Variants in CHCHD10 observed in about 807,000 individuals in gnomAD.
CHCHD10 encodes coiled-coil-helix-coiled-coil-helix domain containing 10, also known as coiled-coil-helix-coiled-coil-helix domain-containing protein 10, mitochondrial.
CHCHD10 carries 10 observed loss-of-function variants against 14.8 expected under a neutral mutation model. That is an observed-to-expected ratio of 0.67 (90% CI 0.42 to 1.14). The LOEUF is 1.14. Among genes scored for constraint, CHCHD10 ranks in the 50% most tolerant of loss-of-function variants. The pLI is 0.00. For missense variants in CHCHD10, 203 were observed against 196.9 expected, an observed-to-expected ratio of 1.03 and a Z score of -0.19; for synonymous variants, 90 against 85.2, an observed-to-expected ratio of 1.06 and a Z score of -0.31.
rs572704117 is a variant in CHCHD10, at chr22:23,767,251, G to A, written c.261+123C>T. 48 of 811,298 alleles carry A rather than the reference G, an allele frequency of 5.9e-5. No homozygotes were observed. The African/African-American group carries it at 6.9e-4, about 12-fold the overall frequency. 50.3% of individuals were successfully genotyped at this position (811,298 alleles called of 1,614,324 possible). On this transcript the variant is annotated intron_variant, in intron 2 of 3. Transcript: ENST00000484558. Reference sequence around the variant, plus strand: ...AGACCAGTGGACTAGGACCCTTCCCGGGCAGAGTCCTGGGCTGAAGCAATG... The same window carrying A: ...AGACCAGTGGACTAGGACCCTTCCCAGGCAGAGTCCTGGGCTGAAGCAATG...
Position 23,767,473 on chromosome 22 carries a change from C to T in CHCHD10, c.162G>A (p.Gly54=), listed in dbSNP as rs749635935. The T allele has an allele frequency of 2.5e-6, 4 of 1,588,410 alleles. No individual in the cohort carries two copies. Among genetic ancestry groups the T allele is most frequent in the Middle Eastern group, 2.2e-4 (1 of 4,534 alleles). The change falls in exon 2 of 4, where the codon GGG becomes GGA. Residue 54 remains glycine, a synonymous_variant. Coordinates refer to ENST00000484558, the MANE Select transcript of CHCHD10 (RefSeq NM_213720.3). ...LMAQMATTAA[G]VAVGSAVGHV... is the part of the protein sequence containing the mutation. ...GTCCCACAGCCGAGCCCACGGCTACCCCTGCGGCCGTGGTCGCCATCTGAG... is the reference window on the plus strand; with the variant it reads ...GTCCCACAGCCGAGCCCACGGCTACTCCTGCGGCCGTGGTCGCCATCTGAG...
rs367684804 is a variant in CHCHD10 at position 23,766,127 on chromosome 22, C to T, written c.409+1G>A. On this transcript the variant is annotated splice_donor_variant, in intron 3 of 3. Transcript: ENST00000484558. LOFTEE classifies it high-confidence loss of function. ...GCCTGAGTCGGGGTCCACTCACTCA[C>T]CATGGTAGTACTTGCACTGCTTCAG... 4.7e-5 allele frequency: 76 copies of T among 1,613,654 alleles called. No homozygotes were observed. The African/African-American group carries it at 9.6e-4, about 20-fold the overall frequency.
intron 2 of CHCHD10, 87 bp downstream of exon 2, chr22:23,767,287 G>T: frequency 2.7e-6 from 3 of 1,126,032 alleles, no homozygotes; most frequent in Non-Finnish European, 3.9e-6. Flanking sequence ...GTGAATACAC[G>T]CGGACACTCC....
rs775004786 is a variant in CHCHD10, at chr22:23,767,474, C to T, written c.161G>A (p.Gly54Glu). 6.3e-7 allele frequency: 1 copy of T among 1,587,198 alleles called. No homozygotes were observed. Among genetic ancestry groups the T allele is most frequent in the Non-Finnish European group, 8.6e-7 (1 of 1,168,448 alleles). The change falls in exon 2 of 4, where the codon GGG becomes GAG. Residue 54 changes from glycine to glutamate, a missense_variant. By Grantham distance (98) the Gly-to-Glu change is moderately conservative (BLOSUM62 -2). Coordinates refer to ENST00000484558, the MANE Select transcript of CHCHD10 (RefSeq NM_213720.3). ...LMAQMATTAA[G>E]VAVGSAVGHV... ...TCCCACAGCCGAGCCCACGGCTACC[C>T]CTGCGGCCGTGGTCGCCATCTGAGC...
chr22:23,767,767 G>A (rs1926978236), intron 1 of CHCHD10, 67 bp downstream of exon 1: 1 of 1,343,412 alleles, frequency 7.4e-7, no homozygotes, highest in African/African-American at 1.5e-5. Context: ...TCACTCTGCG[G>A]ACGCCCTTAG....
At chr22:23,766,333 G>A (rs779873318) in intron 2 of CHCHD10, 58 bp from the exon 3 acceptor site, 23 of 1,475,822 alleles carry the variant, frequency 1.6e-5, no homozygotes, top group African/African-American at 1.5e-4. Flanking sequence ...CTGGAGGTGC[G>A]TTTCAAACCT....
chr22:23,766,165 G>A lies in CHCHD10; in HGVS notation c.372C>T (p.Gly124=), dbSNP rs372902325. ...TGCACTGCTTCAGGGCCTCGCTGAA[G>A]CCCTCACACAGGGACAGGTCACTCT... ...TTQSDLSLCE[G]FSEALKQCKY... The change falls in exon 3 of 4, where the codon GGC becomes GGT. Residue 124 remains glycine, a synonymous_variant. Coordinates refer to ENST00000484558, the MANE Select transcript of CHCHD10 (RefSeq NM_213720.3). 43 of 1,610,622 alleles carry A rather than the reference G, an allele frequency of 2.7e-5. No individual in the cohort carries two copies. The highest frequency in any genetic ancestry group is 3.2e-5 in the Non-Finnish European group (38 of 1,178,436).
rs756412971 is a variant in CHCHD10, at chr22:23,766,039, G to A, written c.410-13C>T. ...AGGGAGCTCAGACCTGGGAAGGGAGGGGCAGCACAGGCTGGTGGTCAGCCT... is the reference window on the plus strand; with the variant it reads ...AGGGAGCTCAGACCTGGGAAGGGAGAGGCAGCACAGGCTGGTGGTCAGCCT... On this transcript the variant is annotated splice_polypyrimidine_tract_variant and intron_variant, in intron 3 of 3. Coordinates refer to ENST00000484558, the MANE Select transcript of CHCHD10 (RefSeq NM_213720.3). 1.8e-5 allele frequency: 29 copies of A among 1,613,644 alleles called. No individual in the cohort carries two copies. In the East Asian group the frequency reaches 6.5e-4, roughly 36 times the overall value.
At chr22:23,766,437 C>A in intron 2 of CHCHD10, 162 bp from the exon 3 acceptor site, 1 of 582,660 alleles carries the variant, frequency 1.7e-6, no homozygotes, top group Non-Finnish European at 3.0e-6. Flanking sequence ...CTACAGACAG[C>A]ATGTTTCTGC....
intron 2 of CHCHD10, among the ~76,000 whole-genome samples, chr22:23,766,899 C>T (rs1926873308): frequency 6.6e-6 from 1 of 152,224 alleles, no homozygotes; most frequent in South Asian, 2.1e-4. Context: ...CACTAATCCT[C>T]ATGACCCCTG....
At chr22:23,767,718 A>T (rs558021937) in intron 1 of CHCHD10, 116 bp downstream of exon 1, 1 of 1,003,080 alleles carries the variant, frequency 1.0e-6, no homozygotes, top group Non-Finnish European at 1.5e-6. Context: ...CTGCACCCCC[A>T]CCCCTCCCCC....
chr22:23,767,235 G>C (rs1926904200), intron 2 of CHCHD10, 139 bp downstream of exon 2: 1 of 715,992 alleles, frequency 1.4e-6, no homozygotes, highest in East Asian at 2.9e-5. Context: ...AAGACCAGTG[G>C]ACTAGGACCC....
At chr22:23,766,451 C>CTTT (rs131440) in intron 2 of CHCHD10, 176 bp from the exon 3 acceptor site, 58 of 413,274 alleles carry the variant, frequency 1.4e-4, no homozygotes, top group East Asian at 4.7e-4. Context: ...TTTCTGCTGC[C>CTTT]TTTTTTTTTT....
At chr22:23,766,342 C>T in intron 2 of CHCHD10, 67 bp from the exon 3 acceptor site, 1 of 1,397,750 alleles carries the variant, frequency 7.2e-7, no homozygotes, top group African/African-American at 1.4e-5. Flanking sequence ...CGTTTCAAAC[C>T]TGGGGCCACC....
In CHCHD10 at chr22:23,766,172, C is replaced by A. The variant is rs1358742335; in HGVS notation, c.365G>T (p.Cys122Phe). 1 of 1,613,084 alleles carries A rather than the reference C, an allele frequency of 6.2e-7. No individual in the cohort carries two copies. Among genetic ancestry groups the A allele is most frequent in the African/African-American group, 1.3e-5 (1 of 74,840 alleles). The change falls in exon 3 of 4, where the codon TGT becomes TTT. Residue 122 changes from cysteine to phenylalanine, a missense_variant. By Grantham distance (205) the Cys-to-Phe change is radical (BLOSUM62 -2). Transcript: ENST00000484558. ...CTTCAGGGCCTCGCTGAAGCCCTCA[C>A]ACAGGGACAGGTCACTCTGAGTGGT... ...CSTTQSDLSL[C>F]EGFSEALKQC...
intron 1 of CHCHD10, 48 bp downstream of exon 1, chr22:23,767,786 C>T: frequency 6.8e-7 from 1 of 1,466,140 alleles, no homozygotes. Context: ...AGGGGAGTGC[C>T]CACACTTCCC....
intron 2 of CHCHD10, among the ~76,000 whole-genome samples, chr22:23,766,793 GGGA>G (rs1926865925): frequency 6.6e-6 from 1 of 152,164 alleles, no homozygotes. Context: ...GTGCAGGAGA[GGGA>G]GGAGAAGGCT....
rs1042055833 is a variant in CHCHD10 at position 23,767,934 on chromosome 22, A to G, written c.-60T>C. The stretch of plus-strand genomic sequence containing the variant: ...CGGCGGCAGCGGTGCTGTCGCGGGG[A>G]CAAATGCCGCAGCGCTTGTCACAGC... On this transcript the variant is annotated 5_prime_UTR_variant, in exon 1 of 4. Coordinates refer to ENST00000484558, the MANE Select transcript of CHCHD10 (RefSeq NM_213720.3). The G allele has an allele frequency of 5.2e-6, 7 of 1,357,744 alleles. No homozygotes were observed. The highest frequency in any genetic ancestry group is 6.8e-6 in the Non-Finnish European group (7 of 1,029,370). 84.1% of individuals were successfully genotyped at this position (1,357,744 alleles called of 1,614,324 possible).
rs1411631913 is a variant in CHCHD10, at chr22:23,765,974, G to A, written c.*33C>T. ...CTGTCGGCGAGGGGTAGAGGTGGGT[G>A]CAGGACTGGCCCCCGAGTCTGCACC... is the stretch of plus-strand genomic sequence containing the variant. On this transcript the variant is annotated 3_prime_UTR_variant, in exon 4 of 4. Coordinates refer to ENST00000484558, the MANE Select transcript of CHCHD10 (RefSeq NM_213720.3). 3 of 1,612,946 alleles carry A rather than the reference G, an allele frequency of 1.9e-6. No individual in the cohort carries two copies. The highest frequency in any genetic ancestry group is 1.7e-5 in the Admixed American group (1 of 59,998).
Sources: gnomAD v4.1 joint callset for allele counts (sites outside exome capture counted in the v4.1 genomes callset) on GRCh38, gnomAD v4.1.1 for gene constraint, MANE v1.5 for transcripts, NCBI Gene and HGNC (gene_info 2026-07-23, HGNC 2026-07-21) for gene names.